Variants in CATSPERB observed in about 807,000 individuals in gnomAD.
CATSPERB encodes the protein catsper channel auxiliary subunit beta.
CATSPERB carries 93 observed loss-of-function variants against 128.3 expected under a neutral mutation model. The observed-to-expected ratio is 0.72, with a 90% CI of 0.61 to 0.86. The LOEUF (loss-of-function observed/expected upper bound fraction) is 0.86. CATSPERB is among the 40% of genes least tolerant of loss of function. The pLI is 0.00. For synonymous variants in CATSPERB, 381 were observed against 448.8 expected (o/e 0.85, Z 1.91); for missense variants, 1,153 against 1,329.5 (o/e 0.87, Z 2.06).
intron 16 of CATSPERB, among the ~76,000 whole-genome samples, chr14:91,638,242 C>T (rs1437392664): frequency 6.6e-6 from 1 of 152,122 alleles, no homozygotes; most frequent in Non-Finnish European, 1.5e-5. Context: ...GATGAGCTAC[C>T]TTCACAAGCA....
intron 17 of CATSPERB, among the ~76,000 whole-genome samples, chr14:91,626,547 T>A (rs1012441275): frequency 3.3e-5 from 5 of 151,898 alleles, no homozygotes; most frequent in Non-Finnish European, 7.4e-5. Context: ...ATTGTGTGAG[T>A]GGGTTCCTGA....
In CATSPERB at chr14:91,610,564, A is replaced by AGTGATTTGCT; in HGVS notation, c.2513_2514insAGCAAATCAC (p.Pro839AlafsTer5). ...CTTCAAATGGGATAAATTTGCTAGGAATGTGATGCATAGATCTGAGATAAC... is the reference window on the plus strand; with the variant it reads ...CTTCAAATGGGATAAATTTGCTAGGAGTGATTTGCTATGTGATGCATAGATCTGAGATAAC... On this transcript the variant is annotated frameshift_variant, in exon 21 of 27. Coordinates refer to ENST00000256343, the MANE Select transcript of CATSPERB (RefSeq NM_024764.4). LOFTEE classifies it high-confidence loss of function. 1 of 1,614,118 alleles carries AGTGATTTGCT rather than the reference A, an allele frequency of 6.2e-7. No individual in the cohort carries two copies. The highest frequency in any genetic ancestry group is 8.5e-7 in the Non-Finnish European group (1 of 1,180,020).
chr14:91,589,019 G>A (rs1224523472), intron 24 of CATSPERB, among the ~76,000 whole-genome samples: 2 of 152,196 alleles, frequency 1.3e-5, no homozygotes, highest in Non-Finnish European at 2.9e-5. Flanking sequence ...AACACAAAAT[G>A]TGCAACAAAA....
chr14:91,663,644 C>CA lies in CATSPERB; in HGVS notation c.1288-3664dup, dbSNP rs34498815. ...TGGGCGACAAAGTGAGACTCCGTCT[C>CA]AAAAAAAAAAAAAAAAAAAAAAATT... is the stretch of plus-strand genomic sequence containing the variant. On this transcript the variant is annotated intron_variant, in intron 14 of 26. Coordinates refer to ENST00000256343, the MANE Select transcript of CATSPERB (RefSeq NM_024764.4). Among the ~76,000 whole-genome samples the CA allele has an allele frequency of 5.5e-3, 477 of 86,440 alleles. 6 individuals are homozygous for CA. The highest frequency in any genetic ancestry group is 0.011 in the African/African-American group (239 of 20,862). 56.7% of individuals were successfully genotyped at this position (86,440 alleles called of 152,430 possible).
At chr14:91,587,455 T>C (rs565641089) in intron 25 of CATSPERB, among the ~76,000 whole-genome samples, 179 bp from the exon 26 acceptor site, 10 of 148,328 alleles carry the variant, frequency 6.7e-5, no homozygotes, top group East Asian at 3.9e-4. Context: ...TGGATTGAAG[T>C]GGAGGGATTC....
intron 5 of CATSPERB, among the ~76,000 whole-genome samples, chr14:91,717,029 A>T (rs910906882): frequency 1.3e-5 from 2 of 152,244 alleles, no homozygotes; most frequent in Admixed American, 6.5e-5. Context: ...TTAACTATCC[A>T]CACCAAAAAA....
intron 2 of CATSPERB, among the ~76,000 whole-genome samples, chr14:91,726,541 A>C (rs1394795879): frequency 6.6e-6 from 1 of 152,238 alleles, no homozygotes; most frequent in Non-Finnish European, 1.5e-5. Flanking sequence ...GTGAAAAAGA[A>C]CTAGCTTAGG....
At chr14:91,699,616 C>A (rs983448381) in intron 7 of CATSPERB, among the ~76,000 whole-genome samples, 1 of 151,144 alleles carries the variant, frequency 6.6e-6, no homozygotes, top group Non-Finnish European at 1.5e-5. Flanking sequence ...TCTTGTCACC[C>A]AGGCTGGAAT....
At chr14:91,647,259 C>T (rs1040252104) in intron 15 of CATSPERB, among the ~76,000 whole-genome samples, 1 of 152,076 alleles carries the variant, frequency 6.6e-6, no homozygotes, top group East Asian at 1.9e-4. Flanking sequence ...ATGGATTTAC[C>T]TCTGATTAAT....
At chr14:91,598,415 T>C (rs1893547139) in intron 22 of CATSPERB, among the ~76,000 whole-genome samples, 1 of 152,172 alleles carries the variant, frequency 6.6e-6, no homozygotes, top group South Asian at 2.1e-4. Context: ...CTTTATATCC[T>C]AAATTATGAC....
intron 5 of CATSPERB, among the ~76,000 whole-genome samples, chr14:91,711,764 G>A (rs771996324): frequency 1.4e-4 from 22 of 152,126 alleles, no homozygotes; most frequent in African/African-American, 4.3e-4. Context: ...TAACAACACA[G>A]CTTCAAAATA....
chr14:91,606,291 A>T (rs1313377511), intron 22 of CATSPERB, among the ~76,000 whole-genome samples: 1 of 151,728 alleles, frequency 6.6e-6, no homozygotes, highest in Admixed American at 6.6e-5. Flanking sequence ...GGGTGGGTGC[A>T]GTGGCTCATG....
At chr14:91,685,628 T>TG (rs936328102) in intron 10 of CATSPERB, among the ~76,000 whole-genome samples, 2 of 152,186 alleles carry the variant, frequency 1.3e-5, no homozygotes, top group African/African-American at 2.4e-5. Context: ...GCTGAGAACT[T>TG]GGAGCATGCA....
chr14:91,656,934 T>C (rs1894798438), intron 15 of CATSPERB, among the ~76,000 whole-genome samples: 1 of 152,080 alleles, frequency 6.6e-6, no homozygotes, highest in South Asian at 2.1e-4. Flanking sequence ...TATATAATGA[T>C]AAAGGGGTCA....
At chr14:91,719,950 C>T (rs530521073) in intron 4 of CATSPERB, among the ~76,000 whole-genome samples, 2 of 152,152 alleles carry the variant, frequency 1.3e-5, no homozygotes, top group Non-Finnish European at 2.9e-5. Context: ...GCAAAGGACA[C>T]CCCCAGAAGA....
chr14:91,723,673 G>A (rs1429574653), intron 3 of CATSPERB, among the ~76,000 whole-genome samples: 2 of 152,044 alleles, frequency 1.3e-5, no homozygotes, highest in Admixed American at 1.3e-4. Context: ...ACTTAAGATC[G>A]CTTTGGGCAA....
Position 91,694,115 on chromosome 14 carries a change from A to T in CATSPERB, c.617-636T>A, listed in dbSNP as rs929623035. On this transcript the variant is annotated intron_variant, in intron 7 of 26. Transcript: ENST00000256343. ...TATTTGTGAACTGCCATGCACATAAATAATAAAAAAAAATTGTGTGCTTTT... is the reference window on the plus strand; with the variant it reads ...TATTTGTGAACTGCCATGCACATAATTAATAAAAAAAAATTGTGTGCTTTT... Among the ~76,000 whole-genome samples, 3 of 5,392 alleles carry T rather than the reference A, an allele frequency of 5.6e-4. No individual in the cohort carries two copies. The East Asian group carries it at 0.058, about 104-fold the overall frequency. 3.5% of individuals were successfully genotyped at this position (5,392 alleles called of 152,430 possible).
intron 4 of CATSPERB, among the ~76,000 whole-genome samples, chr14:91,719,807 T>G (rs1013311781): frequency 6.6e-6 from 1 of 152,160 alleles, no homozygotes; most frequent in African/African-American, 2.4e-5. Flanking sequence ...TCATGACATG[T>G]CAGAGACAGA....
At chr14:91,598,073 G>C (rs181955799) in intron 22 of CATSPERB, among the ~76,000 whole-genome samples, 144 of 150,642 alleles carry the variant, frequency 9.6e-4, no homozygotes, top group Non-Finnish European at 1.5e-3. Flanking sequence ...GATTTGTTCT[G>C]AAATTCCCTC....
Sources: allele counts gnomAD v4.1 joint callset (sites outside exome capture counted in the v4.1 genomes callset), GRCh38; gene constraint gnomAD v4.1.1; transcripts MANE v1.5; gene names NCBI Gene and HGNC (gene_info 2026-07-23, HGNC 2026-07-21).